Variants in NFASC observed in about 807,000 individuals in gnomAD.
The protein encoded by NFASC is neurofascin.
A neutral mutation model predicts 147.5 loss-of-function variants in NFASC; 43 were observed. That is an observed-to-expected ratio of 0.29 (90% CI 0.23 to 0.38). NFASC has a LOEUF of 0.38. Among genes scored for constraint, NFASC ranks in the 10% least tolerant of loss-of-function variants. The probability of loss-of-function intolerance (pLI) is 1.00; values close to 1 mark genes in which losing one functional copy is unlikely to be tolerated. For missense variants in NFASC, 1,320 were observed against 1,689.0 expected (o/e 0.78, Z 3.83); for synonymous variants, 622 against 665.5 (o/e 0.93, Z 1.01).
chr1:204,928,892 G>A (rs1041102946), intron 2 of NFASC, among the ~76,000 whole-genome samples: 2 of 152,046 alleles, frequency 1.3e-5, no homozygotes, highest in South Asian at 2.1e-4. Flanking sequence ...AAGAGTTTTC[G>A]CCCTAGAGAG....
chr1:204,858,123 C>G (rs2076332461), intron 1 of NFASC, among the ~76,000 whole-genome samples: 1 of 151,762 alleles, frequency 6.6e-6, no homozygotes, highest in Non-Finnish European at 1.5e-5. Context: ...TTTCACCATG[C>G]TGGCCAGGCT....
chr1:204,933,623 A>C (rs565850862), intron 2 of NFASC, among the ~76,000 whole-genome samples: 1 of 152,200 alleles, frequency 6.6e-6, no homozygotes, highest in Non-Finnish European at 1.5e-5. Context: ...TGGAGTGGTT[A>C]ACAATTTTTA....
chr1:204,840,015 T>C (rs11801063), intron 1 of NFASC, among the ~76,000 whole-genome samples: 35,293 of 151,974 alleles, frequency 0.23, 6,408 homozygotes, highest in East Asian at 0.72. Context: ...GGAAGAACTT[T>C]TCTGGCTGCC....
chr1:204,995,586 G>A (rs2095830863), intron 24 of NFASC, among the ~76,000 whole-genome samples: 1 of 152,056 alleles, frequency 6.6e-6, no homozygotes, highest in East Asian at 1.9e-4. Context: ...GGAACCTCTG[G>A]AACGTATGGG....
At position 204,975,147 on chromosome 1, in the gene NFASC, A is replaced by T. The variant is rs2095367636; in HGVS notation, c.1559-124A>T. 3 of 1,050,972 alleles carry T rather than the reference A, an allele frequency of 2.9e-6. No homozygotes were observed. Among genetic ancestry groups the T allele is most frequent in the Non-Finnish European group, 4.1e-6 (3 of 725,366 alleles). 65.1% of individuals were successfully genotyped at this position (1,050,972 alleles called of 1,614,324 possible). A position where few individuals can be genotyped will look rare whatever the true frequency, so the allele number is the denominator to read the frequency against. On this transcript the variant is annotated intron_variant, in intron 14 of 29. Coordinates refer to ENST00000339876, the MANE Select transcript of NFASC (RefSeq NM_001005388.3). This position sits in a 1 kb window ranked among gnomAD's most constrained non-coding sequence, Gnocchi z 4.0. ...CTCTGCTCCGTTCATACCATAGCATACTGTTTGTGCCCCACTCCATAGTTG... is the reference window on the plus strand; with the variant it reads ...CTCTGCTCCGTTCATACCATAGCATTCTGTTTGTGCCCCACTCCATAGTTG...
Position 205,019,117 on chromosome 1 carries a change from G to A in NFASC, c.*2578G>A, listed in dbSNP as rs1016245428. 2 of 145,816 alleles carry A rather than the reference G, an allele frequency of 1.4e-5. No homozygotes were observed. The highest frequency in any genetic ancestry group is 4.9e-5 in the African/African-American group (2 of 41,010). 9.0% of individuals were successfully genotyped at this position (145,816 alleles called of 1,614,324 possible). ...AAGAATTAAGTTTTCCCCAAGCAAGGAAGGCAGGTGGTCAGAGAGATCAAA... is the reference window on the plus strand; with the variant it reads ...AAGAATTAAGTTTTCCCCAAGCAAGAAAGGCAGGTGGTCAGAGAGATCAAA... On this transcript the variant is annotated 3_prime_UTR_variant, in exon 30 of 30. Transcript: ENST00000339876.
chr1:205,001,447 C>A (rs950886703), intron 26 of NFASC, among the ~76,000 whole-genome samples, 161 bp downstream of exon 26: 2 of 151,946 alleles, frequency 1.3e-5, no homozygotes, highest in South Asian at 4.2e-4. Context: ...TGCACTCAGG[C>A]GGCAGTGAGG....
intron 1 of NFASC, among the ~76,000 whole-genome samples, chr1:204,909,990 T>C (rs2086966269): frequency 6.6e-6 from 1 of 152,154 alleles, no homozygotes. Context: ...ACTGTAGTTA[T>C]ATAATGAGTC....
At chr1:204,955,995 G>T (rs2094407124) in intron 7 of NFASC, among the ~76,000 whole-genome samples, 1 of 152,196 alleles carries the variant, frequency 6.6e-6, no homozygotes, top group African/African-American at 2.4e-5. Flanking sequence ...GGGGAAGGCT[G>T]CCTGGCCACA....
chr1:204,947,773 C>A (rs2093854862), intron 3 of NFASC, among the ~76,000 whole-genome samples: 1 of 152,110 alleles, frequency 6.6e-6, no homozygotes, highest in South Asian at 2.1e-4. Context: ...ACAGCATTTT[C>A]CTCCCAGAAG....
intron 1 of NFASC, 125 bp from the exon 2 acceptor site, chr1:204,920,507 C>G (rs181786930): frequency 2.8e-6 from 1 of 361,862 alleles, no homozygotes; most frequent in East Asian, 8.1e-5. Context: ...CAAAACTTTA[C>G]CAATGGATGT....
chr1:205,021,099 C>A lies in NFASC; in HGVS notation c.*4560C>A, dbSNP rs972542042. ...AAGAGGAGACCAAGGCCCTGGGAGGCATAGGCAAGCCGGGCAGAGTCAGAC... is the reference window on the plus strand; with the variant it reads ...AAGAGGAGACCAAGGCCCTGGGAGGAATAGGCAAGCCGGGCAGAGTCAGAC... On this transcript the variant is annotated 3_prime_UTR_variant, in exon 30 of 30. Coordinates refer to ENST00000339876, the MANE Select transcript of NFASC (RefSeq NM_001005388.3). The A allele has an allele frequency of 6.6e-6, 1 of 152,274 alleles. No homozygotes were observed. Among genetic ancestry groups the A allele is most frequent in the African/African-American group, 2.4e-5 (1 of 41,440 alleles). 9.4% of individuals were successfully genotyped at this position (152,274 alleles called of 1,614,324 possible).
At chr1:204,915,818 G>A (rs1053790866) in intron 1 of NFASC, among the ~76,000 whole-genome samples, 1 of 152,142 alleles carries the variant, frequency 6.6e-6, no homozygotes, top group African/African-American at 2.4e-5. Flanking sequence ...AGATGAGAAA[G>A]TGTAAGAGAT....
chr1:204,965,079 G>A (rs1185748370), intron 8 of NFASC, among the ~76,000 whole-genome samples: 1 of 152,208 alleles, frequency 6.6e-6, no homozygotes, highest in Non-Finnish European at 1.5e-5. Flanking sequence ...AAATGAGCTG[G>A]CGAGGGAAGC....
chr1:204,860,199 G>A (rs1343324106), intron 1 of NFASC, among the ~76,000 whole-genome samples: 1 of 152,184 alleles, frequency 6.6e-6, no homozygotes, highest in Admixed American at 6.5e-5. Flanking sequence ...CTGCAGGCAG[G>A]GATTAGAGTC....
chr1:204,898,704 C>T (rs2083890935), intron 1 of NFASC, among the ~76,000 whole-genome samples: 2 of 152,184 alleles, frequency 1.3e-5, no homozygotes, highest in African/African-American at 2.4e-5. Flanking sequence ...GCCTCGTGTC[C>T]TCCACATCTC....
At chr1:204,839,368 A>AACACACACACAC (rs55784616) in intron 1 of NFASC, among the ~76,000 whole-genome samples, 18 of 135,104 alleles carry the variant, frequency 1.3e-4, no homozygotes, top group South Asian at 5.5e-4. Flanking sequence ...GCACGTATGA[A>AACACACACACAC]ACACACACAC....
intron 1 of NFASC, among the ~76,000 whole-genome samples, chr1:204,840,204 A>G (rs1044573335): frequency 2.0e-5 from 3 of 152,168 alleles, no homozygotes; most frequent in African/African-American, 7.2e-5. Context: ...CCCATCTGCA[A>G]ACTGCACTTT....
intron 2 of NFASC, among the ~76,000 whole-genome samples, chr1:204,930,889 AGAG>A (rs1255967141): frequency 6.6e-6 from 1 of 152,132 alleles, no homozygotes; most frequent in East Asian, 1.9e-4. Context: ...AGATGCTGGG[AGAG>A]GAGAAGCCAC....
Sources: gnomAD v4.1 joint callset for allele counts (sites outside exome capture counted in the v4.1 genomes callset) on GRCh38, gnomAD v4.1.1 for gene constraint, Gnocchi (gnomAD v3.1) non-coding constraint, MANE v1.5 for transcripts, NCBI Gene and HGNC (gene_info 2026-07-23, HGNC 2026-07-21) for gene names.